The following DNAH14 variants were observed in gnomAD, a reference collection of about 807,000 sequenced individuals.
DNAH14 encodes dynein axonemal heavy chain 14.
Under a neutral mutation model 520.9 loss-of-function variants are expected in DNAH14, and 478 were observed. That is an observed-to-expected ratio of 0.92 (90% CI 0.85 to 0.99). DNAH14 has a LOEUF of 0.99. Among genes scored for constraint, DNAH14 ranks in the 50% least tolerant of loss-of-function variants. The pLI, the probability that DNAH14 is intolerant of heterozygous loss-of-function variation, is 0.00. For missense variants in DNAH14, 4,831 were observed against 5,234.5 expected, an observed-to-expected ratio of 0.92 and a Z score of 2.38; for synonymous variants, 1,581 against 1,757.2, an observed-to-expected ratio of 0.90 and a Z score of 2.51.
chr1:225,102,161 A>T (rs2075544508), intron 23 of DNAH14, among the ~76,000 whole-genome samples: 1 of 150,750 alleles, frequency 6.6e-6, no homozygotes, highest in Non-Finnish European at 1.5e-5. Flanking sequence ...TCTCCTTGCG[A>T]TAGTTTGCTG....
At chr1:225,189,966 A>G (rs1252039500) in intron 37 of DNAH14, among the ~76,000 whole-genome samples, 2 of 151,462 alleles carry the variant, frequency 1.3e-5, no homozygotes, top group East Asian at 3.9e-4. Flanking sequence ...GTTACCTGGG[A>G]GATTGCAGTT....
In DNAH14 at chr1:225,147,156, T is replaced by C. The variant is rs765772356; in HGVS notation, c.4847T>C (p.Phe1616Ser). Residue 1616 changes from phenylalanine (F) to serine (S), a missense_variant, in exon 31 of 86, where the codon TTT becomes TCT. Phe to Ser is a radical substitution (Grantham distance 155, BLOSUM62 -2). Transcript: ENST00000682510. ...GLVQSGAWSC[F>S]DEFNLIDLEV... ...GTTCAGTCAGGAGCATGGAGTTGTT[T>C]TGATGAATTCAATCTAATTGATTTG... The C allele has an allele frequency of 5.8e-6, 9 of 1,550,918 alleles. No individual in the cohort carries two copies. In the South Asian group the frequency reaches 8.3e-5, roughly 14 times the overall value.
intron 38 of DNAH14, among the ~76,000 whole-genome samples, chr1:225,202,336 G>A (rs1009155850): frequency 1.3e-5 from 2 of 152,176 alleles, no homozygotes; most frequent in Admixed American, 1.3e-4. Context: ...GCGTGTCTGA[G>A]CTCAGACTCT....
At chr1:225,054,133 CCTT>C (rs1471945979) in intron 17 of DNAH14, among the ~76,000 whole-genome samples, 6 of 152,158 alleles carry the variant, frequency 3.9e-5, no homozygotes, top group African/African-American at 1.4e-4. Context: ...CCTCCTCTCT[CCTT>C]CTGTCTCCTA....
At position 224,984,718 on chromosome 1, in the gene DNAH14, T is replaced by A. The variant is rs188561346; in HGVS notation, c.830+10565T>A. Among the ~76,000 whole-genome samples the A allele has an allele frequency of 1.4e-3, 205 of 151,758 alleles. 1 individual carries two copies. Among genetic ancestry groups the A allele is most frequent in the Admixed American group, 4.4e-3 (67 of 15,204 alleles). ...TAAGAAAAAACAATCCCATCAAAAG[T>A]GGGCTGACAAAGGACTAATATCCAG... is the stretch of plus-strand genomic sequence containing the variant. On this transcript the variant is annotated intron_variant, in intron 8 of 85. Coordinates refer to ENST00000682510, the MANE Select transcript of DNAH14 (RefSeq NM_001367479.1).
At chr1:225,005,408 T>G (rs2064090072) in intron 9 of DNAH14, among the ~76,000 whole-genome samples, 1 of 152,104 alleles carries the variant, frequency 6.6e-6, no homozygotes, top group Non-Finnish European at 1.5e-5. Context: ...TTTAGGAAAA[T>G]TATTGTGATA....
intron 42 of DNAH14, among the ~76,000 whole-genome samples, chr1:225,234,764 C>T (rs2091444581): frequency 6.6e-6 from 1 of 152,056 alleles, no homozygotes; most frequent in African/African-American, 2.4e-5. Context: ...CCTTCACTTC[C>T]CTTGTTAGCT....
At chr1:224,960,089 G>A in intron 3 of DNAH14, 64 bp from the exon 4 acceptor site, 1 of 1,427,970 alleles carries the variant, frequency 7.0e-7, no homozygotes, top group African/African-American at 1.4e-5. Flanking sequence ...TGGGTATGTG[G>A]AATTACTATG....
At chr1:225,144,947 GAA>G (rs1394079620) in intron 29 of DNAH14, among the ~76,000 whole-genome samples, 1 of 152,000 alleles carries the variant, frequency 6.6e-6, no homozygotes, top group African/African-American at 2.4e-5. Flanking sequence ...GAGAGAGAGA[GAA>G]AGTGAGACCG....
chr1:225,343,055 G>A (rs981330125), intron 69 of DNAH14, among the ~76,000 whole-genome samples: 11 of 152,114 alleles, frequency 7.2e-5, no homozygotes, highest in Admixed American at 2.0e-4. Context: ...AATTTAAGCC[G>A]TTCCCACATT....
intron 1 of DNAH14, among the ~76,000 whole-genome samples, chr1:224,945,888 C>CA (rs1379980896): frequency 3.3e-5 from 5 of 152,290 alleles, no homozygotes; most frequent in Admixed American, 3.3e-4. Context: ...TGTGAGGTGT[C>CA]AGTCTGCCCC....
chr1:225,350,783 C>A (rs1574966487), intron 71 of DNAH14, among the ~76,000 whole-genome samples: 1 of 151,798 alleles, frequency 6.6e-6, no homozygotes, highest in East Asian at 1.9e-4. Context: ...ATTTTAGGAC[C>A]AGATGGCTTC....
At chr1:224,937,407 A>G (rs766706458) in intron 1 of DNAH14, among the ~76,000 whole-genome samples, 3 of 152,096 alleles carry the variant, frequency 2.0e-5, no homozygotes, top group Non-Finnish European at 4.4e-5. Context: ...TATATACACC[A>G]AAAGCAAACA....
chr1:225,325,101 C>T (rs1003168426), intron 64 of DNAH14, among the ~76,000 whole-genome samples: 2 of 151,288 alleles, frequency 1.3e-5, no homozygotes, highest in South Asian at 4.2e-4. Flanking sequence ...AAATTTCTCT[C>T]GGAAGATCTT....
intron 67 of DNAH14, 53 bp downstream of exon 67, chr1:225,337,549 GCAC>G: frequency 7.1e-7 from 1 of 1,412,414 alleles, no homozygotes. Flanking sequence ...TATGTTGTAT[GCAC>G]TGAGCATAAA....
At chr1:225,209,818 C>G (rs1164607808) in intron 41 of DNAH14, among the ~76,000 whole-genome samples, 1 of 152,088 alleles carries the variant, frequency 6.6e-6, no homozygotes, top group Admixed American at 6.5e-5. Context: ...CTCAATAGGA[C>G]TGGTTAGACA....
intron 49 of DNAH14, among the ~76,000 whole-genome samples, chr1:225,267,024 T>C (rs1260862774): frequency 6.6e-6 from 1 of 152,196 alleles, no homozygotes; most frequent in Non-Finnish European, 1.5e-5. Context: ...AAGATTTGGT[T>C]TCTGAGTCAA....
In DNAH14 at chr1:225,023,829, C is replaced by T. The variant is rs991255328; in HGVS notation, c.1322C>T (p.Pro441Leu). Reference sequence around the variant, plus strand: ...TTATTTAATGGTTCTGCTGGAATGCCATTTTCAGTGGAAAAAAAGAATGAA... The same window carrying T: ...TTATTTAATGGTTCTGCTGGAATGCTATTTTCAGTGGAAAAAAAGAATGAA... ...LELFNGSAGM[P>L]FSVEKKNENL... Residue 441 changes from proline (P) to leucine (L), a missense_variant, in exon 11 of 86, where the codon CCA (proline) becomes CTA (leucine). Coordinates refer to ENST00000682510, the MANE Select transcript of DNAH14 (RefSeq NM_001367479.1). 1 of 1,535,988 alleles carries T rather than the reference C, an allele frequency of 6.5e-7. No individual in the cohort carries two copies. The highest frequency in any genetic ancestry group is 8.8e-7 in the Non-Finnish European group (1 of 1,139,552).
intron 8 of DNAH14, among the ~76,000 whole-genome samples, chr1:224,974,987 G>A (rs1055207150): frequency 2.0e-5 from 3 of 151,998 alleles, no homozygotes; most frequent in Admixed American, 1.3e-4. Flanking sequence ...AGATAATCAT[G>A]TGGTTTTTGT....
Sources: allele counts gnomAD v4.1 joint callset (sites outside exome capture counted in the v4.1 genomes callset), GRCh38; gene constraint gnomAD v4.1.1; transcripts MANE v1.5; gene names NCBI Gene and HGNC (gene_info 2026-07-23, HGNC 2026-07-21).